The following BCKDHB variants were observed in gnomAD, a reference collection of about 807,000 sequenced individuals.
The protein encoded by BCKDHB is branched chain keto acid dehydrogenase E1 subunit beta.
A neutral mutation model predicts 48.5 loss-of-function variants in BCKDHB; 41 were observed. The ratio of observed to expected loss-of-function variants is 0.85; its 90% CI spans 0.66 to 1.10. The LOEUF (loss-of-function observed/expected upper bound fraction) is 1.10, where lower values mean the gene tolerates loss of function less well. Among genes scored for constraint, BCKDHB ranks in the 50% least tolerant of loss-of-function variants. The pLI, the probability that BCKDHB is intolerant of heterozygous loss-of-function variation, is 0.00. For synonymous variants in BCKDHB, 201 were observed against 174.8 expected (o/e 1.15, Z -1.18); for missense variants, 496 against 494.2 (o/e 1.00, Z -0.03).
At chr6:80,198,148 G>A (rs1397677631) in intron 6 of BCKDHB, among the ~76,000 whole-genome samples, 1 of 152,174 alleles carries the variant, frequency 6.6e-6, no homozygotes, top group Non-Finnish European at 1.5e-5. Context: ...GTTGGAACTA[G>A]TCAGTTCTGC....
At chr6:80,172,428 A>G (rs1562107999) in intron 6 of BCKDHB, among the ~76,000 whole-genome samples, 1 of 152,080 alleles carries the variant, frequency 6.6e-6, no homozygotes, top group Non-Finnish European at 1.5e-5. Flanking sequence ...CATCATACGA[A>G]TATTCATTGT....
chr6:80,161,696 T>C (rs780752785), intron 3 of BCKDHB, among the ~76,000 whole-genome samples: 11 of 152,196 alleles, frequency 7.2e-5, no homozygotes, highest in Non-Finnish European at 1.2e-4. Flanking sequence ...CAGCTTCTTA[T>C]CCTTTTCTTC....
At chr6:80,200,459 G>A (rs74614428) in intron 6 of BCKDHB, among the ~76,000 whole-genome samples, 10,915 of 152,064 alleles carry the variant, frequency 0.072, 580 homozygotes, top group South Asian at 0.24. Context: ...ATTGATCTGA[G>A]AACTTAATTC....
chr6:80,317,828 T>A (rs1768527701), intron 9 of BCKDHB, among the ~76,000 whole-genome samples: 1 of 152,178 alleles, frequency 6.6e-6, no homozygotes, highest in Non-Finnish European at 1.5e-5. Flanking sequence ...ATATAGTCAT[T>A]TTAAAAACAT....
At chr6:80,401,188 C>T in the BCKDHB span, among the ~76,000 whole-genome samples, 1 of 151,658 alleles carries the variant, frequency 6.6e-6, no homozygotes, top group African/African-American at 2.4e-5. Context: ...ATATAGCAAA[C>T]CTGCAAATGT....
At chr6:80,213,158 C>T (rs1385954829) in intron 8 of BCKDHB, among the ~76,000 whole-genome samples, 2 of 151,970 alleles carry the variant, frequency 1.3e-5, no homozygotes, top group Admixed American at 6.6e-5. Context: ...TCTTGGTGCT[C>T]ATAAAAAAGT....
chr6:80,204,471 C>G (rs1383608891), intron 8 of BCKDHB, among the ~76,000 whole-genome samples: 4 of 152,050 alleles, frequency 2.6e-5, no homozygotes, highest in Admixed American at 2.0e-4. Flanking sequence ...TTTCAAATAG[C>G]CAGACGTTCC....
At chr6:80,240,891 C>T (rs1420291849) in intron 8 of BCKDHB, among the ~76,000 whole-genome samples, 2 of 152,200 alleles carry the variant, frequency 1.3e-5, no homozygotes, top group Non-Finnish European at 1.5e-5. Context: ...GTACACCAAT[C>T]AGACATAGAT....
chr6:80,387,030 G>A, the BCKDHB span, among the ~76,000 whole-genome samples: 1 of 152,094 alleles, frequency 6.6e-6, no homozygotes, highest in Non-Finnish European at 1.5e-5. Flanking sequence ...CTGTGCATTG[G>A]GTAAAGGGAA....
intron 9 of BCKDHB, among the ~76,000 whole-genome samples, chr6:80,273,777 T>A (rs571233867): frequency 1.9e-4 from 29 of 151,986 alleles, no homozygotes; most frequent in African/African-American, 4.6e-4. Flanking sequence ...TATGTTTTTT[T>A]AAAAAAAATG....
At position 80,285,226 on chromosome 6, in the gene BCKDHB, C is replaced by T. The variant is rs1368034117; in HGVS notation, c.1038+12005C>T. ...TATTTTGTGAGTAATATTCCAACAT[C>T]GCACAATTCTAAATTTTATTAAAAC... On this transcript the variant is annotated intron_variant, in intron 9 of 9. Transcript: ENST00000320393. Among the ~76,000 whole-genome samples the T allele has an allele frequency of 2.6e-5, 4 of 152,138 alleles. 1 individual carries two copies. Among genetic ancestry groups the T allele is most frequent in the South Asian group, 4.1e-4 (2 of 4,824 alleles).
chr6:80,376,353 C>T, the BCKDHB span, among the ~76,000 whole-genome samples: 1 of 152,158 alleles, frequency 6.6e-6, no homozygotes, highest in Non-Finnish European at 1.5e-5. Flanking sequence ...GCTGGTCTCA[C>T]TCCCGCTGTG....
Position 80,306,468 on chromosome 6 carries a change from A to T in BCKDHB, c.1038+33247A>T, listed in dbSNP as rs574286136. On this transcript the variant is annotated intron_variant, in intron 9 of 9. Coordinates refer to ENST00000320393, the MANE Select transcript of BCKDHB (RefSeq NM_183050.4). ...AGGGTGCCTGAGTGAACCTAAGCAA[A>T]TCAGTCCAGAAGACTTCATAAAGAA... Among the ~76,000 whole-genome samples the T allele has an allele frequency of 7.9e-5, 12 of 152,308 alleles. No homozygotes were observed. In the East Asian group the frequency reaches 2.3e-3, roughly 29 times the overall value.
chr6:80,385,634 C>A, the BCKDHB span, among the ~76,000 whole-genome samples: 3 of 152,140 alleles, frequency 2.0e-5, no homozygotes, highest in Non-Finnish European at 4.4e-5. Flanking sequence ...CGTTGCCAGG[C>A]AAAATAATGT....
intron 9 of BCKDHB, among the ~76,000 whole-genome samples, chr6:80,279,044 T>C (rs1778087268): frequency 6.6e-6 from 1 of 152,238 alleles, no homozygotes. Flanking sequence ...CATGGTTATT[T>C]GCTAGTTTAT....
the BCKDHB span, among the ~76,000 whole-genome samples, chr6:80,417,736 C>T: frequency 6.6e-6 from 1 of 151,896 alleles, no homozygotes; most frequent in Non-Finnish European, 1.5e-5. Flanking sequence ...TTGTAGGTGA[C>T]CTGACATTTC....
intron 9 of BCKDHB, among the ~76,000 whole-genome samples, chr6:80,327,137 AT>A (rs1769070773): frequency 6.6e-6 from 1 of 152,228 alleles, no homozygotes; most frequent in East Asian, 1.9e-4. Flanking sequence ...CCAACTTATG[AT>A]GGGGTTACCT....
chr6:80,365,147 GA>G, the BCKDHB span, among the ~76,000 whole-genome samples: 1 of 152,142 alleles, frequency 6.6e-6, no homozygotes. Flanking sequence ...GGCAAAAGCA[GA>G]ACTACTGATA....
At chr6:80,455,125 C>T in the BCKDHB span, among the ~76,000 whole-genome samples, 1 of 152,110 alleles carries the variant, frequency 6.6e-6, no homozygotes, top group East Asian at 1.9e-4. Context: ...CTCATGCTCC[C>T]ATGAGTAATA....
Sources: gnomAD v4.1 joint callset for allele counts (sites outside exome capture counted in the v4.1 genomes callset) on GRCh38, gnomAD v4.1.1 for gene constraint, MANE v1.5 for transcripts, NCBI Gene and HGNC (gene_info 2026-07-23, HGNC 2026-07-21) for gene names.